Variants in ABCA3 observed in about 807,000 individuals in gnomAD.
ABCA3 encodes phospholipid-transporting ATPase ABCA3.
In ABCA3, 88 loss-of-function variants were observed where a neutral mutation model predicts 172.8. The ratio of observed to expected loss-of-function variants is 0.51; its 90% confidence interval spans 0.43 to 0.61. The LOEUF is 0.61. Among genes scored for constraint, ABCA3 ranks in the 20% least tolerant of loss-of-function variants. The pLI, the probability that ABCA3 is intolerant of heterozygous loss-of-function variation, is 0.00. For missense variants in ABCA3, 2,164 were observed against 2,301.0 expected (o/e 0.94, Z 1.22); for synonymous variants, 1,066 against 983.8 (o/e 1.08, Z -1.56).
rs868388097 is a variant in ABCA3 at position 2,287,087 on chromosome 16, C to T, written c.3005-120G>A. On this transcript the variant is annotated intron_variant, in intron 21 of 32. Coordinates refer to ENST00000301732, the MANE Select transcript of ABCA3 (RefSeq NM_001089.3). This position sits in a 1 kb window ranked among gnomAD's most constrained non-coding sequence, Gnocchi z 4.1. ...TGGTGCCAGCATCCTCTGAGCTGCCCGCCCCATCACCCTTCTCCTAAGGAG... is the reference window on the plus strand; with the variant it reads ...TGGTGCCAGCATCCTCTGAGCTGCCTGCCCCATCACCCTTCTCCTAAGGAG... The T allele has an allele frequency of 3.1e-5, 34 of 1,108,574 alleles. No homozygotes were observed. Among genetic ancestry groups the T allele is most frequent in the African/African-American group, 1.4e-4 (9 of 64,310 alleles). 68.7% of individuals were successfully genotyped at this position (1,108,574 alleles called of 1,614,324 possible).
intron 10 of ABCA3, among the ~76,000 whole-genome samples, chr16:2,316,490 CAAAAAAAAAAAAAAAAAAAAA>C (rs71148128): frequency 2.3e-3 from 66 of 28,872 alleles, no homozygotes; most frequent in African/African-American, 4.6e-3. Context: ...ACTAAAAATG[CAAAAAAAAAAAAAAAAAAAAA>C]AAAAAAAAAA....
chr16:2,335,988 A>G (rs944962873), intron 1 of ABCA3, among the ~76,000 whole-genome samples: 1 of 152,166 alleles, frequency 6.6e-6, no homozygotes, highest in Admixed American at 6.5e-5. Context: ...TTTCGTTTTT[A>G]ATGACAAATG....
chr16:2,288,317 A>G lies in ABCA3; in HGVS notation c.2713T>C (p.Cys905Arg). Reference protein sequence around the residue: ...VKLNTGLALHCQQFWAMFLKK... With the variant: ...VKLNTGLALHRQQFWAMFLKK... ...AGGAACATGGCCCAGAATTGCTGGC[A>G]GTGCAGGGCGAGCTGCGGCAGAGGG... The change falls in exon 21 of 33, where the codon TGC (cysteine) becomes CGC (arginine). Residue 905 changes from cysteine (C) to arginine (R), a missense_variant. Coordinates refer to ENST00000301732, the MANE Select transcript of ABCA3 (RefSeq NM_001089.3). 6.4e-7 allele frequency: 1 copy of G among 1,558,544 alleles called. No individual in the cohort carries two copies. Among genetic ancestry groups the G allele is most frequent in the East Asian group, 2.4e-5 (1 of 42,502 alleles).
chr16:2,327,090 T>C (rs1206499087), intron 3 of ABCA3, among the ~76,000 whole-genome samples: 5 of 152,188 alleles, frequency 3.3e-5, no homozygotes, highest in Non-Finnish European at 5.9e-5. Flanking sequence ...TTATGTGCAC[T>C]GTGACTTCTG....
chr16:2,280,968 G>C, intron 28 of ABCA3, 59 bp downstream of exon 28: 6 of 1,608,790 alleles, frequency 3.7e-6, no homozygotes. Context: ...CCTGCCTCCA[G>C]GGTGCCCCCT....
rs145690940 is a variant in ABCA3, at chr16:2,284,816, G to A, written c.3666C>T (p.Ile1222=). ...RLTIFNILSG[I]ATFLMVTIMR... Reference sequence around the variant, plus strand: ...TGATGGTGACCATCAGGAAGGTGGCGATGCCTGACAGGATGTTGAAGATGG... The same window carrying A: ...TGATGGTGACCATCAGGAAGGTGGCAATGCCTGACAGGATGTTGAAGATGG... The change falls in exon 24 of 33, where the codon ATC becomes ATT. Residue 1222 remains isoleucine (I), a synonymous_variant. Coordinates refer to ENST00000301732, the MANE Select transcript of ABCA3 (RefSeq NM_001089.3). The surrounding 1 kb of genome is among the most constrained non-coding windows in gnomAD (Gnocchi z 5.9). The A allele has an allele frequency of 1.1e-4, 184 of 1,613,794 alleles. No homozygotes were observed. The highest frequency in any genetic ancestry group is 1.6e-4 in the Middle Eastern group (1 of 6,084).
chr16:2,301,146 G>C (rs1196655084), intron 12 of ABCA3, among the ~76,000 whole-genome samples: 1 of 149,784 alleles, frequency 6.7e-6, no homozygotes, highest in African/African-American at 2.5e-5. Context: ...CAGGAGAATG[G>C]CGTGAACCCG....
In ABCA3 at chr16:2,305,283, G is replaced by A. The variant is rs578220979; in HGVS notation, c.1286-1133C>T. Among the ~76,000 whole-genome samples, 28 of 152,092 alleles carry A rather than the reference G, an allele frequency of 1.8e-4. No homozygotes were observed. The East Asian group carries it at 4.1e-3, about 22-fold the overall frequency. ...GGAGTAGCTGGGATTACGGGAGCAC[G>A]TCACCACACCTGGCTAATTTTTGTA... On this transcript the variant is annotated intron_variant, in intron 11 of 32. Coordinates refer to ENST00000301732, the MANE Select transcript of ABCA3 (RefSeq NM_001089.3).
rs1474961994 is a variant in ABCA3 at position 2,277,072 on chromosome 16, G to A, written c.4984-267C>T. Among the ~76,000 whole-genome samples, 1 of 152,176 alleles carries A rather than the reference G, an allele frequency of 6.6e-6. No homozygotes were observed. The highest frequency in any genetic ancestry group is 1.5e-5 in the Non-Finnish European group (1 of 68,026). ...CAGATTACAACCTTGAGCCAGTGAT[G>A]TTCCCTTTCTGAGCCAGTTCTTTTT... On this transcript the variant is annotated intron_variant, in intron 32 of 32. Coordinates refer to ENST00000301732, the MANE Select transcript of ABCA3 (RefSeq NM_001089.3). The surrounding 1 kb of genome is among the most constrained non-coding windows in gnomAD (Gnocchi z 5.3).
Position 2,297,928 on chromosome 16 carries a change from C to T in ABCA3, c.1897-7G>A, listed in dbSNP as rs373611984. 29 of 1,613,354 alleles carry T rather than the reference C, an allele frequency of 1.8e-5. No homozygotes were observed. The highest frequency in any genetic ancestry group is 1.1e-4 in the South Asian group (10 of 91,066). ...GACGTGACAGGCCCTTCAGCTGCAA[C>T]GACAGGGGACGCAGGGAGATGCAGG... is the stretch of plus-strand genomic sequence containing the variant. On this transcript the variant is annotated splice_region_variant and splice_polypyrimidine_tract_variant and intron_variant, in intron 15 of 32. Coordinates refer to ENST00000301732, the MANE Select transcript of ABCA3 (RefSeq NM_001089.3). This position sits in a 1 kb window ranked among gnomAD's most constrained non-coding sequence, Gnocchi z 5.6.
At chr16:2,303,639 AAGG>A (rs1483366673) in intron 12 of ABCA3, among the ~76,000 whole-genome samples, 3 of 152,140 alleles carry the variant, frequency 2.0e-5, no homozygotes, top group Non-Finnish European at 2.9e-5. Flanking sequence ...TTTCACAAGA[AAGG>A]AGGCAGGATT....
chr16:2,295,798 C>G, intron 17 of ABCA3, 58 bp from the exon 18 acceptor site: 1 of 1,610,826 alleles, frequency 6.2e-7, no homozygotes, highest in South Asian at 1.1e-5. Flanking sequence ...TCTTCATGCC[C>G]ACCCCGGGGT....
chr16:2,284,362 G>A lies in ABCA3; in HGVS notation c.3779C>T (p.Ala1260Val), dbSNP rs1189149659. 1.2e-6 allele frequency: 2 copies of A among 1,613,876 alleles called. No homozygotes were observed. Among genetic ancestry groups the A allele is most frequent in the African/African-American group, 1.3e-5 (1 of 74,924 alleles). The change falls in exon 25 of 33, where the codon GCA (alanine) becomes GTA (valine). Residue 1260 changes from alanine (A) to valine (V), a missense_variant. This residue lies in a region of ABCA3 where 795 missense variants were observed against 881.9 expected (regional missense o/e 0.90). Coordinates refer to ENST00000301732, the MANE Select transcript of ABCA3 (RefSeq NM_001089.3). This position sits in a 1 kb window ranked among gnomAD's most constrained non-coding sequence, Gnocchi z 5.9. ...LVLPNHCLGM[A>V]VSSFYENYET... is the part of the protein sequence containing the mutation. Reference sequence around the variant, plus strand: ...GTAGTTCTCGTAGAAACTGCTGACTGCCATCCCCAGACAGTGGTTGGGCAG... The same window carrying A: ...GTAGTTCTCGTAGAAACTGCTGACTACCATCCCCAGACAGTGGTTGGGCAG...
intron 18 of ABCA3, among the ~76,000 whole-genome samples, chr16:2,294,192 A>AT (rs754653044): frequency 0.016 from 1,925 of 122,532 alleles, 43 homozygotes; most frequent in African/African-American, 0.048. Context: ...TAATTTTTGT[A>AT]TTTTTTTTTT....
Position 2,297,513 on chromosome 16 carries a change from C to T in ABCA3, c.2079G>A (p.Ser693=), listed in dbSNP as rs977720309. 1.1e-5 allele frequency: 17 copies of T among 1,612,784 alleles called. No individual in the cohort carries two copies. In the African/African-American group the frequency reaches 1.1e-4, roughly 10 times the overall value. The change falls in exon 17 of 33, where the codon TCG becomes TCA. Residue 693 remains serine, a synonymous_variant. Transcript: ENST00000301732. This position sits in a 1 kb window ranked among gnomAD's most constrained non-coding sequence, Gnocchi z 5.6. ...SKVLILDEPT[S]GMDAISRRAI... ...CCCTCCTGGAGATGGCGTCCATGCC[C>T]GAGGTGGGCTCGTCCAGTATCAGCA...
At position 2,323,511 on chromosome 16, in the gene ABCA3, C is replaced by T. The variant is rs777275480; in HGVS notation, c.613+12G>A. 2.3e-5 allele frequency: 37 copies of T among 1,614,020 alleles called. No individual in the cohort carries two copies. The highest frequency in any genetic ancestry group is 5.5e-5 in the South Asian group (5 of 91,062). ...CCGGGCTGGTAACACGAACCCTAAC[C>T]GAGCTTCTCACCAGGTTCTCCGCCA... On this transcript the variant is annotated intron_variant, in intron 7 of 32. Transcript: ENST00000301732.
At position 2,278,885 on chromosome 16, in the gene ABCA3, C is replaced by T; in HGVS notation, c.4547+58G>A. 1 of 1,609,124 alleles carries T rather than the reference C, an allele frequency of 6.2e-7. No homozygotes were observed. Among genetic ancestry groups the T allele is most frequent in the African/African-American group, 1.3e-5 (1 of 74,994 alleles). On this transcript the variant is annotated intron_variant, in intron 29 of 32. Transcript: ENST00000301732. This position sits in a 1 kb window ranked among gnomAD's most constrained non-coding sequence, Gnocchi z 4.4. ...CTGAGCGGTCACTCCCAGCTCTATG[C>T]TATGGGGACCTTGATTCTGACTCCA...
intron 10 of ABCA3, 65 bp from the exon 11 acceptor site, chr16:2,308,688 C>T (rs1177240206): frequency 9.4e-6 from 15 of 1,594,372 alleles, no homozygotes; most frequent in Middle Eastern, 2.1e-4. Context: ...TTGGGCTCCC[C>T]GAGGTACAGG....
chr16:2,299,585 GC>G (rs2093685757), intron 13 of ABCA3, 53 bp from the exon 14 acceptor site: 1 of 1,607,358 alleles, frequency 6.2e-7, no homozygotes. Context: ...GAGGCCCACG[GC>G]CAAGGCCTCT....
Sources: allele counts gnomAD v4.1 joint callset (sites outside exome capture counted in the v4.1 genomes callset), GRCh38; gene constraint gnomAD v4.1.1; regional missense constraint gnomAD v4.1.1; non-coding constraint Gnocchi (gnomAD v3.1); transcripts MANE v1.5; gene names NCBI Gene and HGNC (gene_info 2026-07-23, HGNC 2026-07-21).